CNTN4: variants seen among roughly 807,000 people sequenced by gnomAD.
CNTN4 encodes the protein contactin-4.
A neutral mutation model predicts 122.5 loss-of-function variants in CNTN4; 77 were observed. The ratio of observed to expected loss-of-function variants is 0.63; its 90% CI spans 0.52 to 0.76. The LOEUF is 0.76. CNTN4 is among the 30% of genes least tolerant of loss of function. The pLI is 0.00. For synonymous variants in CNTN4, 512 were observed against 447.0 expected, an observed-to-expected ratio of 1.15 and a Z score of -1.83; for missense variants, 1,256 against 1,259.1, an observed-to-expected ratio of 1.00 and a Z score of 0.04.
intron 3 of CNTN4, among the ~76,000 whole-genome samples, chr3:2,398,849 C>G (rs563404094): frequency 1.3e-5 from 2 of 152,238 alleles, no homozygotes; most frequent in South Asian, 2.1e-4. Flanking sequence ...GATCTCCTGC[C>G]TTCAGTTTTA....
intron 2 of CNTN4, among the ~76,000 whole-genome samples, chr3:2,109,166 G>A (rs1221227597): frequency 1.3e-5 from 2 of 152,098 alleles, no homozygotes; most frequent in Non-Finnish European, 2.9e-5. Context: ...AATTTTCATA[G>A]TTCGGAAAGA....
chr3:3,035,406 G>A (rs1393791174), intron 17 of CNTN4, among the ~76,000 whole-genome samples: 1 of 151,904 alleles, frequency 6.6e-6, no homozygotes, highest in African/African-American at 2.4e-5. Flanking sequence ...GCATCAATCT[G>A]TATTACCTAA....
chr3:2,293,750 T>C (rs2042211980), intron 2 of CNTN4, among the ~76,000 whole-genome samples: 1 of 152,254 alleles, frequency 6.6e-6, no homozygotes, highest in South Asian at 2.1e-4. Context: ...AGAATATTAA[T>C]TTTAATCCAG....
intron 7 of CNTN4, among the ~76,000 whole-genome samples, chr3:2,847,815 AGGGAAT>A (rs1353492267): frequency 2.0e-4 from 30 of 152,344 alleles, no homozygotes; most frequent in Admixed American, 8.5e-4. Flanking sequence ...AGATACTCTT[AGGGAAT>A]GCCAGTCTGT....
At chr3:2,995,475 C>A (rs1011733650) in intron 14 of CNTN4, among the ~76,000 whole-genome samples, 1 of 152,182 alleles carries the variant, frequency 6.6e-6, no homozygotes, top group East Asian at 1.9e-4. Flanking sequence ...CTCCAGCCTG[C>A]CCATCACTTC....
At chr3:2,424,429 T>C (rs915903582) in intron 3 of CNTN4, among the ~76,000 whole-genome samples, 7 of 152,116 alleles carry the variant, frequency 4.6e-5, no homozygotes, top group African/African-American at 7.2e-5. Context: ...TATTCCATGG[T>C]ATATATGTGC....
At chr3:2,839,743 G>T (rs1005335717) in intron 7 of CNTN4, among the ~76,000 whole-genome samples, 2 of 152,064 alleles carry the variant, frequency 1.3e-5, no homozygotes, top group African/African-American at 4.8e-5. Flanking sequence ...GTGCTCTTAG[G>T]GTCAACTAGA....
intron 19 of CNTN4, chr3:3,039,808 G>A (rs1056817310): frequency 1.9e-6 from 1 of 523,978 alleles, no homozygotes; most frequent in Non-Finnish European, 3.5e-6. Context: ...CCATCAAAGA[G>A]CAAGCTCTGG....
At chr3:2,736,404 A>G in intron 5 of CNTN4, 63 bp downstream of exon 5, 1 of 1,323,486 alleles carries the variant, frequency 7.6e-7, no homozygotes, top group Non-Finnish European at 1.1e-6. Context: ...ATCAACAAAT[A>G]CTTATACAAT....
intron 3 of CNTN4, among the ~76,000 whole-genome samples, chr3:2,460,590 T>G (rs2049168007): frequency 6.6e-6 from 1 of 152,150 alleles, no homozygotes; most frequent in South Asian, 2.1e-4. Flanking sequence ...TTGATGTTCC[T>G]GGGTGTTGAC....
At chr3:2,737,471 T>C (rs913002591) in intron 5 of CNTN4, among the ~76,000 whole-genome samples, 2 of 152,232 alleles carry the variant, frequency 1.3e-5, no homozygotes, top group African/African-American at 4.8e-5. Context: ...ACCTCTGTTT[T>C]TCGTAGTGCT....
chr3:2,548,828 T>C (rs2078358060), intron 3 of CNTN4, among the ~76,000 whole-genome samples: 3 of 152,220 alleles, frequency 2.0e-5, no homozygotes, highest in South Asian at 2.1e-4. Context: ...TTTTTCCTTT[T>C]GTTTGCGTCG....
At chr3:2,266,072 C>T (rs1153497) in intron 2 of CNTN4, among the ~76,000 whole-genome samples, 150,595 of 152,204 alleles carry the variant, frequency 0.99, 74,530 homozygotes, top group Middle Eastern at 1. Context: ...TCTTTCCTAA[C>T]AGCTCTGACT....
intron 23 of CNTN4, among the ~76,000 whole-genome samples, chr3:3,048,512 C>CTG (rs1292698978): frequency 1.1e-4 from 15 of 131,700 alleles, no homozygotes; most frequent in African/African-American, 3.6e-4. Context: ...TTCTCTCTCT[C>CTG]TCTCTGTGTG....
At chr3:2,132,886 A>G (rs1046467393) in intron 2 of CNTN4, among the ~76,000 whole-genome samples, 4 of 152,184 alleles carry the variant, frequency 2.6e-5, no homozygotes, top group Non-Finnish European at 5.9e-5. Flanking sequence ...GATTTTGAAA[A>G]AGTGACAGCG....
intron 7 of CNTN4, among the ~76,000 whole-genome samples, chr3:2,844,029 C>T (rs1468143360): frequency 2.6e-5 from 4 of 152,168 alleles, no homozygotes; most frequent in African/African-American, 9.7e-5. Flanking sequence ...CCCACAACCC[C>T]CATCCTTCTG....
intron 2 of CNTN4, among the ~76,000 whole-genome samples, chr3:2,122,687 G>T (rs1166346605): frequency 2.0e-5 from 3 of 152,114 alleles, no homozygotes; most frequent in Non-Finnish European, 2.9e-5. Context: ...TTTCCAGATT[G>T]CCCTGCAAAG....
At chr3:2,886,880 G>A (rs1373225742) in intron 9 of CNTN4, among the ~76,000 whole-genome samples, 160 bp from the exon 10 acceptor site, 1 of 152,164 alleles carries the variant, frequency 6.6e-6, no homozygotes, top group African/African-American at 2.4e-5. Context: ...TAATGCTAGA[G>A]ATGTGGATAT....
At chr3:2,452,030 T>C in intron 3 of CNTN4, among the ~76,000 whole-genome samples, 1 of 152,190 alleles carries the variant, frequency 6.6e-6, no homozygotes, top group East Asian at 1.9e-4. Flanking sequence ...ACTCTTAATT[T>C]AGAGTAGCCT....
Sources: allele counts gnomAD v4.1 joint callset (sites outside exome capture counted in the v4.1 genomes callset), GRCh38; gene constraint gnomAD v4.1.1; transcripts MANE v1.5; gene names NCBI Gene and HGNC (gene_info 2026-07-23, HGNC 2026-07-21).